SYN3: variants seen among roughly 807,000 people sequenced by gnomAD.
The protein encoded by SYN3 is synapsin-3.
SYN3 carries 35 observed loss-of-function variants against 65.8 expected under a neutral mutation model. The ratio of observed to expected loss-of-function variants is 0.53; its 90% CI spans 0.41 to 0.70. SYN3 has a LOEUF of 0.70. Among genes scored for constraint, SYN3 ranks in the 30% least tolerant of loss-of-function variants. The probability of loss-of-function intolerance (pLI) is 0.00; values close to 1 mark genes in which losing one functional copy is unlikely to be tolerated. For missense variants in SYN3, 680 were observed against 749.0 expected (o/e 0.91, Z 1.08); for synonymous variants, 270 against 292.9 (o/e 0.92, Z 0.80).
intron 4 of SYN3, among the ~76,000 whole-genome samples, chr22:32,899,101 A>AAAACAAAACAAAACAAAAC (rs1556003782): frequency 6.8e-5 from 10 of 147,560 alleles, no homozygotes; most frequent in Middle Eastern, 3.4e-3. Flanking sequence ...ACTCTGTCTC[A>AAAACAAAACAAAACAAAAC]AAAACAAAAC....
chr22:32,891,575 T>G (rs2049447360), intron 4 of SYN3, among the ~76,000 whole-genome samples: 2 of 152,314 alleles, frequency 1.3e-5, no homozygotes, highest in African/African-American at 4.8e-5. Flanking sequence ...CCAATGAGCT[T>G]GCCATCCGAC....
intron 10 of SYN3, among the ~76,000 whole-genome samples, chr22:32,529,266 G>C (rs142459873): frequency 1.3e-5 from 2 of 152,314 alleles, no homozygotes; most frequent in African/African-American, 4.8e-5. Flanking sequence ...GGGCCAGGGA[G>C]CCTCTGCCGA....
rs1569393523 is a variant in SYN3 at position 32,998,785 on chromosome 22, A to AC, written c.311+7566_311+7567insG. On this transcript the variant is annotated intron_variant, in intron 2 of 13. Coordinates refer to ENST00000358763, the MANE Select transcript of SYN3 (RefSeq NM_003490.4). ...CATTCTATAGAAATAGTAAAAAAAA[A>AC]AAAAAAAAAAAAAACAAAAGTCCCT... 3.4e-4 allele frequency among the ~76,000 whole-genome samples: 46 copies of AC among 137,282 alleles called. 1 individual carries two copies. The highest frequency in any genetic ancestry group is 2.3e-3 in the Admixed American group (31 of 13,544). 90.1% of individuals were successfully genotyped at this position (137,282 alleles called of 152,430 possible). A position where few individuals can be genotyped will look rare whatever the true frequency, so the allele number is the denominator to read the frequency against.
intron 7 of SYN3, 36 bp downstream of exon 7, chr22:32,596,638 T>C: frequency 6.2e-7 from 1 of 1,605,780 alleles, no homozygotes; most frequent in African/African-American, 1.3e-5. Context: ...AATCTCTGGG[T>C]GTGTCCACTG....
intron 6 of SYN3, among the ~76,000 whole-genome samples, chr22:32,770,322 A>T (rs2045734916): frequency 6.6e-6 from 1 of 152,116 alleles, no homozygotes; most frequent in Non-Finnish European, 1.5e-5. Flanking sequence ...TTCAGATGTA[A>T]GTCAAATGCC....
intron 6 of SYN3, among the ~76,000 whole-genome samples, chr22:32,684,704 T>C (rs947351264): frequency 8.5e-5 from 13 of 152,222 alleles, no homozygotes; most frequent in African/African-American, 3.1e-4. Context: ...TTTACATTCA[T>C]GGCTTTTTAA....
At chr22:32,960,123 T>A (rs541390128) in intron 3 of SYN3, among the ~76,000 whole-genome samples, 2 of 152,352 alleles carry the variant, frequency 1.3e-5, no homozygotes, top group South Asian at 4.1e-4. Context: ...TTCTGATGCT[T>A]TGACCCCTGG....
intron 4 of SYN3, among the ~76,000 whole-genome samples, chr22:32,892,889 T>G (rs715555): frequency 1.3e-5 from 2 of 151,914 alleles, no homozygotes; most frequent in East Asian, 1.9e-4. Context: ...TTGTAAAAAC[T>G]TAGAGAAGTG....
At chr22:32,976,655 C>A (rs1193321331) in intron 3 of SYN3, among the ~76,000 whole-genome samples, 1 of 152,106 alleles carries the variant, frequency 6.6e-6, no homozygotes, top group East Asian at 1.9e-4. Context: ...CTGTGAGGGC[C>A]CCGCAGAGCC....
rs369072080 is a variant in SYN3, at chr22:32,859,260, T to C, written c.711+5655A>G. ...GGACCGACATGCTCTCCAATTTCGGTTACCCTGGCTACCAGTCCAAACACT... is the reference window on the plus strand; with the variant it reads ...GGACCGACATGCTCTCCAATTTCGGCTACCCTGGCTACCAGTCCAAACACT... On this transcript the variant is annotated intron_variant, in intron 6 of 13. Coordinates refer to ENST00000358763, the MANE Select transcript of SYN3 (RefSeq NM_003490.4). The C allele has an allele frequency of 5.2e-5, 84 of 1,614,044 alleles. 1 individual carries two copies. The African/African-American group carries it at 1.0e-3, about 20-fold the overall frequency.
At chr22:32,978,045 T>C (rs2052259711) in intron 3 of SYN3, among the ~76,000 whole-genome samples, 1 of 152,112 alleles carries the variant, frequency 6.6e-6, no homozygotes, top group Admixed American at 6.5e-5. Context: ...GAAGGAGTCT[T>C]TGAGGAAAGG....
At chr22:32,912,348 T>C (rs193221289) in intron 4 of SYN3, among the ~76,000 whole-genome samples, 194 of 151,962 alleles carry the variant, frequency 1.3e-3, no homozygotes, top group African/African-American at 4.3e-3. Flanking sequence ...GGGCCTGGGA[T>C]AGGAAAGAAG....
chr22:32,978,733 C>A (rs930674473), intron 3 of SYN3, among the ~76,000 whole-genome samples: 2 of 152,172 alleles, frequency 1.3e-5, no homozygotes, highest in African/African-American at 4.8e-5. Context: ...GCTGTGTGAC[C>A]TGCCTGGGCA....
At chr22:32,646,360 G>A (rs1465490913) in intron 6 of SYN3, among the ~76,000 whole-genome samples, 2 of 152,184 alleles carry the variant, frequency 1.3e-5, no homozygotes, top group East Asian at 1.9e-4. Flanking sequence ...ACTGACTTTT[G>A]TTCATGCTGG....
intron 6 of SYN3, among the ~76,000 whole-genome samples, chr22:32,605,357 A>G (rs543998395): frequency 1.3e-5 from 2 of 152,236 alleles, no homozygotes; most frequent in South Asian, 4.2e-4. Context: ...ACTGTGTTTC[A>G]TGGCTACCAG....
intron 6 of SYN3, chr22:32,864,693 G>T (rs752785271): frequency 2.4e-6 from 1 of 414,006 alleles, no homozygotes. Context: ...AAGGAATGTG[G>T]TTCACCTTTG....
intron 3 of SYN3, among the ~76,000 whole-genome samples, chr22:32,950,168 A>G (rs569917101): frequency 2.6e-5 from 4 of 152,104 alleles, no homozygotes; most frequent in Non-Finnish European, 5.9e-5. Context: ...GAGAGAGAAA[A>G]AGAGACAGAG....
chr22:32,771,694 T>C (rs1324833041), intron 6 of SYN3, among the ~76,000 whole-genome samples: 2 of 152,202 alleles, frequency 1.3e-5, no homozygotes, highest in Non-Finnish European at 2.9e-5. Context: ...CTACAAAAGA[T>C]GAACAATGCC....
At position 32,518,148 on chromosome 22, in the gene SYN3, G is replaced by C. The variant is rs1285510457; in HGVS notation, c.1505C>G (p.Pro502Arg). 1 of 1,611,624 alleles carries C rather than the reference G, an allele frequency of 6.2e-7. No individual in the cohort carries two copies. Among genetic ancestry groups the C allele is most frequent in the Admixed American group, 1.7e-5 (1 of 59,764 alleles). The change falls in exon 13 of 14, where the codon CCA (proline) becomes CGA (arginine). Residue 502 changes from proline to arginine, a missense_variant. Transcript: ENST00000358763. ...SGSSPNQASK[P>R]GATLASQPRP... ...GGGCTGTGAGGCGAGGGTGGCACCT[G>C]GCTTGGAGGCCTGGTTTGGGGAGCT...
Sources: allele counts gnomAD v4.1 joint callset (sites outside exome capture counted in the v4.1 genomes callset), GRCh38; gene constraint gnomAD v4.1.1; transcripts MANE v1.5; gene names NCBI Gene and HGNC (gene_info 2026-07-23, HGNC 2026-07-21).